The following AGBL1 variants were observed in gnomAD, a reference collection of about 807,000 sequenced individuals.
The protein encoded by AGBL1 is AGBL carboxypeptidase 1.
AGBL1 carries 130 observed loss-of-function variants against 118.9 expected under a neutral mutation model. That is an observed-to-expected ratio of 1.09 (90% CI 0.95 to 1.26). The LOEUF (loss-of-function observed/expected upper bound fraction) is 1.26. AGBL1 is among the 50% of genes most tolerant of loss of function. The pLI is 0.00. For missense variants in AGBL1, 1,584 were observed against 1,298.1 expected (o/e 1.22, Z -3.38); for synonymous variants, 555 against 478.9 (o/e 1.16, Z -2.08).
chr15:86,571,381 G>A (rs2084004141), intron 21 of AGBL1, among the ~76,000 whole-genome samples: 1 of 152,164 alleles, frequency 6.6e-6, no homozygotes, highest in Non-Finnish European at 1.5e-5. Flanking sequence ...GACAAGTGGA[G>A]GATGAGCAAG....
intron 21 of AGBL1, among the ~76,000 whole-genome samples, chr15:86,614,794 G>GA (rs900889396): frequency 6.6e-6 from 1 of 152,146 alleles, no homozygotes; most frequent in Non-Finnish European, 1.5e-5. Context: ...GAATGAAGTG[G>GA]AAAAAACCAG....
rs1320022310 is a variant in AGBL1, at chr15:86,159,003, C to T, written c.465C>T (p.Thr155=). 1.2e-6 allele frequency: 2 copies of T among 1,613,136 alleles called. No homozygotes were observed. Among genetic ancestry groups the T allele is most frequent in the African/African-American group, 1.3e-5 (1 of 74,868 alleles). ...ELLFKVITPY[T]RKRTQAIRAA... ...TTTTCAAGGTTATTACTCCTTACAC[C>T]CGAAAGCGCACCCAAGCAATCAGGT... Residue 155 remains threonine (T), a synonymous_variant, in exon 5 of 23, where the codon ACC becomes ACT. Coordinates refer to ENST00000614907, the MANE Select transcript of AGBL1 (RefSeq NM_001386094.1).
chr15:86,259,159 G>A (rs537767580), intron 9 of AGBL1, among the ~76,000 whole-genome samples: 1 of 152,290 alleles, frequency 6.6e-6, no homozygotes, highest in African/African-American at 2.4e-5. Context: ...ATGTTTAGCA[G>A]CATTCCTCAC....
rs549745873 is a variant in AGBL1, at chr15:86,154,554, C to T, written c.387C>T (p.Ala129=). The change falls in exon 4 of 23, where the codon GCC becomes GCT. Residue 129 remains alanine (A), a synonymous_variant. Transcript: ENST00000614907. ...GTCTCTGGGCTCTGCGTGTGTTTGC[C>T]TCCAGTGGTAAGTGACTCTATTGTG... ...LHCLWALRVF[A]SSVSMGAMLG... 1.9e-6 allele frequency: 3 copies of T among 1,607,720 alleles called. No homozygotes were observed. Among genetic ancestry groups the T allele is most frequent in the Admixed American group, 1.7e-5 (1 of 59,400 alleles).
chr15:86,087,693 T>C (rs1194123644), intron 1 of AGBL1, among the ~76,000 whole-genome samples: 1 of 152,204 alleles, frequency 6.6e-6, no homozygotes, highest in Non-Finnish European at 1.5e-5. Flanking sequence ...AGCTTTAAAA[T>C]GGAAGATTGG....
chr15:86,351,188 T>C (rs768403012), intron 17 of AGBL1, among the ~76,000 whole-genome samples: 2 of 152,076 alleles, frequency 1.3e-5, no homozygotes, highest in Non-Finnish European at 2.9e-5. Context: ...CTTAGAAGGG[T>C]CTTCTTCTTG....
chr15:86,794,940 C>G (rs1333221013), intron 22 of AGBL1, among the ~76,000 whole-genome samples: 1 of 152,120 alleles, frequency 6.6e-6, no homozygotes, highest in Non-Finnish European at 1.5e-5. Context: ...CAGAAAGTTC[C>G]TAATTAGAAG....
chr15:86,353,742 A>G (rs538443856), intron 17 of AGBL1, among the ~76,000 whole-genome samples: 1 of 152,320 alleles, frequency 6.6e-6, no homozygotes, highest in African/African-American at 2.4e-5. Context: ...GATTTGATAG[A>G]GAGAATGCCC....
chr15:86,548,736 C>A (rs1474892679), intron 20 of AGBL1, among the ~76,000 whole-genome samples: 1 of 150,564 alleles, frequency 6.6e-6, no homozygotes, highest in Non-Finnish European at 1.5e-5. Flanking sequence ...AATGAGAGAG[C>A]CACAGAAAAG....
At chr15:86,432,845 G>T (rs1052009532) in intron 18 of AGBL1, among the ~76,000 whole-genome samples, 3 of 152,170 alleles carry the variant, frequency 2.0e-5, no homozygotes, top group African/African-American at 7.2e-5. Flanking sequence ...ATGAGGAGCA[G>T]CCCCTGGCAG....
chr15:86,921,162 G>C (rs956988898), intron 23 of AGBL1, among the ~76,000 whole-genome samples: 1 of 152,186 alleles, frequency 6.6e-6, no homozygotes, highest in African/African-American at 2.4e-5. Flanking sequence ...GAAGTAGGTC[G>C]TAAGAGGATT....
intron 21 of AGBL1, among the ~76,000 whole-genome samples, chr15:86,636,686 G>A (rs1379616569): frequency 9.6e-6 from 1 of 104,072 alleles, no homozygotes; most frequent in Non-Finnish European, 1.9e-5. Flanking sequence ...TTACAGCTTT[G>A]CATGGAACCA....
intron 3 of AGBL1, among the ~76,000 whole-genome samples, chr15:86,147,951 C>A (rs943336421): frequency 2.0e-5 from 3 of 152,218 alleles, no homozygotes; most frequent in African/African-American, 7.2e-5. Context: ...GCAGTATTTG[C>A]TGTTCTGCAG....
At chr15:87,001,028 TTGTC>T (rs2081431570) in intron 24 of AGBL1, among the ~76,000 whole-genome samples, 1 of 102,672 alleles carries the variant, frequency 9.7e-6, no homozygotes, top group Non-Finnish European at 2.0e-5. Flanking sequence ...GGCTCTCTGT[TTGTC>T]TGTTGTTGGT....
At chr15:86,890,869 C>T (rs184553415) in intron 22 of AGBL1, among the ~76,000 whole-genome samples, 64 of 152,240 alleles carry the variant, frequency 4.2e-4, no homozygotes, top group African/African-American at 1.5e-3. Context: ...CTTTGCTATG[C>T]AGGCTCTTTT....
At chr15:86,544,340 G>T (rs1300724882) in intron 19 of AGBL1, among the ~76,000 whole-genome samples, 1 of 152,128 alleles carries the variant, frequency 6.6e-6, no homozygotes, top group Non-Finnish European at 1.5e-5. Flanking sequence ...CAAGGTTCCT[G>T]GGAACAGCAA....
At chr15:86,775,626 A>T (rs957222334) in intron 22 of AGBL1, among the ~76,000 whole-genome samples, 5 of 152,158 alleles carry the variant, frequency 3.3e-5, no homozygotes. Flanking sequence ...ACAGGTTAAG[A>T]TTCAAAAGTC....
At chr15:86,687,824 C>G (rs1029262365) in intron 22 of AGBL1, among the ~76,000 whole-genome samples, 1 of 152,110 alleles carries the variant, frequency 6.6e-6, no homozygotes, top group Non-Finnish European at 1.5e-5. Context: ...CGATGAGTGT[C>G]CTCAGATATA....
intron 17 of AGBL1, among the ~76,000 whole-genome samples, chr15:86,367,485 G>C (rs1217651609): frequency 4.6e-5 from 7 of 152,116 alleles, no homozygotes; most frequent in Non-Finnish European, 2.9e-5. Context: ...GGGTGGTGGT[G>C]GTGGTGGGAG....
Sources: allele counts gnomAD v4.1 joint callset (sites outside exome capture counted in the v4.1 genomes callset), GRCh38; gene constraint gnomAD v4.1.1; transcripts MANE v1.5; gene names NCBI Gene and HGNC (gene_info 2026-07-23, HGNC 2026-07-21).